STARD13: variants seen among roughly 807,000 people sequenced by gnomAD.
STARD13 encodes the protein StAR related lipid transfer domain containing 13, also known as stAR-related lipid transfer protein 13.
A neutral mutation model predicts 106.4 loss-of-function variants in STARD13; 62 were observed. The observed-to-expected ratio is 0.58, with a 90% CI of 0.48 to 0.72. The LOEUF (loss-of-function observed/expected upper bound fraction) is 0.72, where lower values mean the gene tolerates loss of function less well. Ranked by LOEUF, STARD13 falls within the 30% of genes least tolerant of loss-of-function variation. The pLI is 0.00. For missense variants in STARD13, 1,387 were observed against 1,424.0 expected (o/e 0.97, Z 0.42); for synonymous variants, 565 against 553.0 (o/e 1.02, Z -0.31).
chr13:33,437,080 T>C, the STARD13 span, among the ~76,000 whole-genome samples: 3 of 152,030 alleles, frequency 2.0e-5, no homozygotes, highest in Non-Finnish European at 2.9e-5. Flanking sequence ...AAGTAAAAAT[T>C]AAAAGGCAGA....
chr13:33,630,421 T>A, the STARD13 span, among the ~76,000 whole-genome samples: 1 of 152,204 alleles, frequency 6.6e-6, no homozygotes, highest in Non-Finnish European at 1.5e-5. Flanking sequence ...AGGAAAAAAT[T>A]AATTTGCTGA....
chr13:33,261,172 A>AT (rs1460687452), intron 1 of STARD13, among the ~76,000 whole-genome samples: 1 of 152,132 alleles, frequency 6.6e-6, no homozygotes, highest in East Asian at 1.9e-4. Flanking sequence ...ATCTGCAGGG[A>AT]TTTTTGCTCC....
At chr13:33,138,813 T>C in intron 4 of STARD13, 1 of 467,332 alleles carries the variant, frequency 2.1e-6, no homozygotes, top group Non-Finnish European at 4.3e-6. Context: ...ACCTGACTCT[T>C]ACAGAGGCAG....
intron 1 of STARD13, among the ~76,000 whole-genome samples, chr13:33,350,037 G>A (rs1397375368): frequency 1.3e-5 from 2 of 152,158 alleles, no homozygotes; most frequent in African/African-American, 4.8e-5. Context: ...CCCGCGGCCC[G>A]CCAGCATGGA....
chr13:33,274,089 TG>T (rs1566111695), intron 1 of STARD13: 3 of 14,340 alleles, frequency 2.1e-4, no homozygotes, highest in African/African-American at 4.0e-4. Flanking sequence ...AAAATCAGTC[TG>T]TCTTTTTTTT....
the STARD13 span, among the ~76,000 whole-genome samples, chr13:33,553,444 GTATA>G: frequency 6.6e-6 from 1 of 151,718 alleles, no homozygotes; most frequent in Admixed American, 6.6e-5. Context: ...GTGAATATAA[GTATA>G]TAAGCAAAAC....
chr13:33,214,699 T>TACACACACACAC (rs55996131), intron 1 of STARD13, among the ~76,000 whole-genome samples: 4 of 144,146 alleles, frequency 2.8e-5, no homozygotes, highest in African/African-American at 1.0e-4. Context: ...CATGCACACA[T>TACACACACACAC]ACACACACAC....
intron 1 of STARD13, among the ~76,000 whole-genome samples, chr13:33,265,921 T>G (rs551806802): frequency 6.4e-4 from 97 of 152,220 alleles, no homozygotes; most frequent in African/African-American, 2.3e-3. Context: ...AGAGATACAT[T>G]AGGAATTGTA....
chr13:33,587,591 GC>G, the STARD13 span, among the ~76,000 whole-genome samples: 3 of 152,116 alleles, frequency 2.0e-5, no homozygotes, highest in Admixed American at 6.5e-5. Flanking sequence ...CCAGACCAGT[GC>G]TTCTCAAGCT....
chr13:33,554,068 ATCTTC>A, the STARD13 span, among the ~76,000 whole-genome samples: 7 of 152,106 alleles, frequency 4.6e-5, no homozygotes, highest in African/African-American at 1.7e-4. Context: ...TTTCAATTAT[ATCTTC>A]TCTTCACCAT....
rs149048557 is a variant in STARD13, at chr13:33,201,273, C to T, written c.170-33651G>A. Among the ~76,000 whole-genome samples, 4 of 152,080 alleles carry T rather than the reference C, an allele frequency of 2.6e-5. No individual in the cohort carries two copies. The East Asian group carries it at 5.8e-4, about 22-fold the overall frequency. ...CCAAGAATTGGAAACAGAAACCCTC[C>T]CACACTGAGCACAGATGTGGTGATG... On this transcript the variant is annotated intron_variant, in intron 1 of 13. Transcript: ENST00000336934.
chr13:33,192,851 T>C (rs1356719386), intron 1 of STARD13, among the ~76,000 whole-genome samples: 2 of 151,934 alleles, frequency 1.3e-5, no homozygotes, highest in African/African-American at 4.8e-5. Context: ...TGAGCCGAGA[T>C]TGCACCACTG....
chr13:33,371,623 T>A, the STARD13 span, among the ~76,000 whole-genome samples: 1 of 152,182 alleles, frequency 6.6e-6, no homozygotes, highest in African/African-American at 2.4e-5. Flanking sequence ...GCTCCCTGAG[T>A]TCTCATCCTT....
intron 1 of STARD13, among the ~76,000 whole-genome samples, chr13:33,304,396 T>C (rs1440884093): frequency 6.6e-6 from 1 of 152,220 alleles, no homozygotes; most frequent in Non-Finnish European, 1.5e-5. Context: ...GAATGTGTTT[T>C]AGTGCTTTAC....
intron 1 of STARD13, among the ~76,000 whole-genome samples, chr13:33,220,154 A>G (rs146109367): frequency 1.7e-3 from 259 of 152,330 alleles, no homozygotes; most frequent in African/African-American, 5.8e-3. Flanking sequence ...GCATTCAAAT[A>G]TAAAACACCT....
chr13:33,183,660 T>C (rs969027777), intron 1 of STARD13, among the ~76,000 whole-genome samples: 1 of 151,964 alleles, frequency 6.6e-6, no homozygotes, highest in Non-Finnish European at 1.5e-5. Flanking sequence ...TTTGGAATAG[T>C]GCTGGGAAGT....
At chr13:33,497,044 A>G in the STARD13 span, among the ~76,000 whole-genome samples, 2 of 152,086 alleles carry the variant, frequency 1.3e-5, no homozygotes, top group African/African-American at 2.4e-5. Context: ...TCTTTATGGC[A>G]AGGAAAATAG....
upstream of STARD13, among the ~76,000 whole-genome samples, chr13:33,353,080 G>A (rs567676332): frequency 1.7e-4 from 26 of 152,072 alleles, no homozygotes; most frequent in Middle Eastern, 6.8e-3. Flanking sequence ...GTCCCTACAG[G>A]TACTTTGCTA....
the STARD13 span, among the ~76,000 whole-genome samples, chr13:33,382,688 T>G: frequency 1.3e-5 from 2 of 152,206 alleles, no homozygotes; most frequent in Admixed American, 6.5e-5. Context: ...TAGGCCTCAT[T>G]TGAAATTACA....
Sources: gnomAD v4.1 joint callset for allele counts (sites outside exome capture counted in the v4.1 genomes callset) on GRCh38, gnomAD v4.1.1 for gene constraint, MANE v1.5 for transcripts, NCBI Gene and HGNC (gene_info 2026-07-23, HGNC 2026-07-21) for gene names.